The following SH3KBP1 variants were observed in gnomAD, a reference collection of about 807,000 sequenced individuals.
The protein encoded by SH3KBP1 is SH3 domain containing kinase binding protein 1.
Under a neutral mutation model 50.1 loss-of-function variants are expected in SH3KBP1, and 8 were observed. The observed-to-expected ratio is 0.16, with a 90% CI of 0.09 to 0.29. SH3KBP1 has a LOEUF of 0.29. SH3KBP1 is among the 10% of genes least tolerant of loss of function. The pLI is 1.00. For missense variants in SH3KBP1, 377 were observed against 535.2 expected (o/e 0.70, Z 2.92); for synonymous variants, 227 against 218.6 (o/e 1.04, Z -0.34).
intron 8 of SH3KBP1, among the ~76,000 whole-genome samples, chrX:19,616,420 T>G (rs994613502): frequency 1.9e-4 from 21 of 111,966 alleles, no homozygotes; most frequent in African/African-American, 6.5e-4. Context: ...AACAAGAAAC[T>G]GGGTGGATAA....
Position 19,541,996 on chromosome X carries a change from C to T in SH3KBP1, c.1821G>A (p.Ala607=), listed in dbSNP as rs908593502. Residue 607 remains alanine (A), a synonymous_variant, in exon 16 of 18, where the codon GCG becomes GCA. Transcript: ENST00000397821. ...PKMEPAASSQ[A]AVEELRTQVR... is the part of the protein sequence containing the mutation. ...CCTGTGTCCTTAGCTCCTCCACGGC[C>T]GCCTGGCTGCTGGCCGCAGGCTCCA... 25 of 1,210,213 alleles carry T rather than the reference C, an allele frequency of 2.1e-5. No homozygotes were observed. Among genetic ancestry groups the T allele is most frequent in the East Asian group, 3.0e-5 (1 of 33,759 alleles).
intron 2 of SH3KBP1, among the ~76,000 whole-genome samples, chrX:19,810,229 T>G (rs2067165576): frequency 8.9e-6 from 1 of 112,453 alleles, no homozygotes; most frequent in Non-Finnish European, 1.9e-5. Context: ...CACATTTGCA[T>G]ACATTCTCAT....
chrX:19,844,881 C>T (rs1459564392), intron 1 of SH3KBP1, among the ~76,000 whole-genome samples: 1 of 110,932 alleles, frequency 9.0e-6, no homozygotes, highest in Non-Finnish European at 1.9e-5. Flanking sequence ...AGTTCAAGAC[C>T]AGCCTGGCCA....
intron 4 of SH3KBP1, 135 bp from the exon 5 acceptor site, chrX:19,695,876 G>A: frequency 3.8e-6 from 2 of 524,678 alleles, no homozygotes; most frequent in Admixed American, 3.8e-5. Context: ...AAGTTAACAG[G>A]GAACAAGAAA....
At chrX:19,683,282 G>C (rs769882123) in intron 6 of SH3KBP1, 2 of 361,474 alleles carry the variant, frequency 5.5e-6, no homozygotes, top group African/African-American at 5.2e-5. Flanking sequence ...TTCCTGAAGG[G>C]AACAACCCAG....
intron 2 of SH3KBP1, among the ~76,000 whole-genome samples, chrX:19,786,547 G>T (rs1314039007): frequency 8.9e-6 from 1 of 111,936 alleles, no homozygotes; most frequent in African/African-American, 3.3e-5. Flanking sequence ...TCCCAGCAAG[G>T]CAAAGCACTA....
intron 6 of SH3KBP1, among the ~76,000 whole-genome samples, chrX:19,658,086 ATTC>A (rs2062339905): frequency 8.9e-6 from 1 of 111,946 alleles, no homozygotes; most frequent in Admixed American, 9.5e-5. Context: ...TTTACCACAT[ATTC>A]TTCTTTTCCT....
At chrX:19,597,712 T>C (rs752220172) in intron 9 of SH3KBP1, among the ~76,000 whole-genome samples, 1 of 112,439 alleles carries the variant, frequency 8.9e-6, no homozygotes, top group African/African-American at 3.2e-5. Flanking sequence ...AGCTGCCGTG[T>C]CTGGCAGCAT....
chrX:19,788,321 C>A lies in SH3KBP1; in HGVS notation c.163-41880G>T, dbSNP rs145937364. Among the ~76,000 whole-genome samples, 619 of 101,732 alleles carry A rather than the reference C, an allele frequency of 6.1e-3. 6 individuals carry two copies. Among genetic ancestry groups the A allele is most frequent in the African/African-American group, 0.022 (592 of 26,695 alleles). The allele number at this position is 101,732 out of a possible 115,157, so 88.3% of individuals were successfully genotyped here. Reference sequence around the variant, plus strand: ...AAACACAAAAATGAAGAACTTTGGACACAGAGATATGCACACAGGGAGAAT... The same window carrying A: ...AAACACAAAAATGAAGAACTTTGGAAACAGAGATATGCACACAGGGAGAAT... On this transcript the variant is annotated intron_variant, in intron 2 of 17. Transcript: ENST00000397821.
chrX:19,538,651 A>C (rs1258662726), intron 16 of SH3KBP1, among the ~76,000 whole-genome samples: 2 of 109,137 alleles, frequency 1.8e-5, no homozygotes, highest in African/African-American at 6.7e-5. Flanking sequence ...CAGTGGGGTG[A>C]TCTCGGTTCA....
intron 3 of SH3KBP1, among the ~76,000 whole-genome samples, chrX:19,725,467 T>G (rs2064193750): frequency 9.1e-6 from 1 of 109,436 alleles, no homozygotes. Flanking sequence ...TGAGACCCTG[T>G]CTCAAAAAAA....
At chrX:19,775,961 T>C (rs1245487032) in intron 2 of SH3KBP1, among the ~76,000 whole-genome samples, 4 of 111,423 alleles carry the variant, frequency 3.6e-5, no homozygotes, top group Middle Eastern at 8.4e-3. Flanking sequence ...AATTTGTCCC[T>C]TGCAAATTGC....
intron 2 of SH3KBP1, among the ~76,000 whole-genome samples, chrX:19,829,399 C>T (rs1443512014): frequency 1.8e-5 from 2 of 108,769 alleles, no homozygotes; most frequent in Non-Finnish European, 1.9e-5. Flanking sequence ...TGGGAAAAGG[C>T]TTGGTGGAAC....
At chrX:19,682,370 A>G (rs1366524961) in intron 6 of SH3KBP1, among the ~76,000 whole-genome samples, 1 of 108,603 alleles carries the variant, frequency 9.2e-6, no homozygotes, top group Non-Finnish European at 1.9e-5. Context: ...ACACACACAC[A>G]CACACACAGT....
intron 12 of SH3KBP1, among the ~76,000 whole-genome samples, chrX:19,577,385 G>A (rs767818481): frequency 3.4e-4 from 38 of 111,605 alleles, no homozygotes; most frequent in Non-Finnish European, 6.8e-4. Flanking sequence ...TATCAAGGAC[G>A]CCAGGCAGCC....
chrX:19,673,166 A>C (rs1436379195), intron 6 of SH3KBP1, among the ~76,000 whole-genome samples: 6 of 110,989 alleles, frequency 5.4e-5, no homozygotes, highest in African/African-American at 2.0e-4. Flanking sequence ...GAACTCTATT[A>C]TCTTCACAAC....
At chrX:19,741,006 T>C (rs1028986917) in intron 3 of SH3KBP1, among the ~76,000 whole-genome samples, 1 of 112,917 alleles carries the variant, frequency 8.9e-6, no homozygotes, top group African/African-American at 3.2e-5. Context: ...TTCTGACAGC[T>C]ACAGGTAGCA....
At chrX:19,669,312 TAATAATAATA>T (rs1418432425) in intron 6 of SH3KBP1, among the ~76,000 whole-genome samples, 2 of 100,297 alleles carry the variant, frequency 2.0e-5, no homozygotes, top group African/African-American at 8.0e-5. Flanking sequence ...CTTTGAATAA[TAATAATAATA>T]ATAATTATTA....
At chrX:19,776,280 G>A (rs1185274121) in intron 2 of SH3KBP1, among the ~76,000 whole-genome samples, 1 of 110,816 alleles carries the variant, frequency 9.0e-6, no homozygotes, top group Non-Finnish European at 1.9e-5. Flanking sequence ...TGAGATTCTT[G>A]CTCAAGTGGC....
Sources: allele counts gnomAD v4.1 joint callset (sites outside exome capture counted in the v4.1 genomes callset), GRCh38; gene constraint gnomAD v4.1.1; transcripts MANE v1.5; gene names NCBI Gene and HGNC (gene_info 2026-07-23, HGNC 2026-07-21).